The following DSC3 variants were observed in gnomAD, a reference collection of about 807,000 sequenced individuals.
The protein encoded by DSC3 is desmocollin 3.
Under a neutral mutation model 89.5 loss-of-function variants are expected in DSC3, and 97 were observed. The observed-to-expected ratio is 1.08, with a 90% confidence interval of 0.92 to 1.28. The LOEUF is 1.28. DSC3 is among the 50% of genes most tolerant of loss of function. The pLI, the probability that DSC3 is intolerant of heterozygous loss-of-function variation, is 0.00. For synonymous variants in DSC3, 436 were observed against 384.1 expected, an observed-to-expected ratio of 1.14 and a Z score of -1.58; for missense variants, 1,199 against 1,085.3, an observed-to-expected ratio of 1.10 and a Z score of -1.47.
Position 30,990,189 on chromosome 18 carries a change from C to G in DSC3, c.*3986G>C, listed in dbSNP as rs1361896785. 1.3e-5 allele frequency: 2 copies of G among 152,078 alleles called. No homozygotes were observed. Among genetic ancestry groups the G allele is most frequent in the African/African-American group, 4.8e-5 (2 of 41,394 alleles). The allele number at this position is 152,078 out of a possible 1,614,324, so 9.4% of individuals were successfully genotyped here. ...TAACTCATTTAATCATTCAACAACC[C>G]CATGAGGCTGGCATTGTTCATTGAT... On this transcript the variant is annotated 3_prime_UTR_variant, in exon 16 of 16. Transcript: ENST00000360428.
chr18:31,024,322 T>G (rs760102689), intron 6 of DSC3, 27 bp downstream of exon 6: 1 of 1,545,242 alleles, frequency 6.5e-7, no homozygotes, highest in South Asian at 1.2e-5. Flanking sequence ...TTAAAATGAT[T>G]CTTTTTATTC....
chr18:31,002,580 A>G (rs1040623407), intron 13 of DSC3, among the ~76,000 whole-genome samples: 3 of 151,930 alleles, frequency 2.0e-5, no homozygotes, highest in Non-Finnish European at 4.4e-5. Flanking sequence ...CATGCCTGTA[A>G]TCCCAGCTAC....
chr18:31,013,954 A>G (rs1985152086), intron 9 of DSC3, among the ~76,000 whole-genome samples: 1 of 152,168 alleles, frequency 6.6e-6, no homozygotes, highest in Admixed American at 6.6e-5. Context: ...AATAATAAAA[A>G]AATTAGAATT....
intron 4 of DSC3, among the ~76,000 whole-genome samples, chr18:31,026,304 G>A (rs753091642): frequency 5.9e-5 from 8 of 135,618 alleles, no homozygotes; most frequent in Non-Finnish European, 9.8e-5. Flanking sequence ...AGGAGATGAA[G>A]AGGTAATGAG....
At chr18:31,041,192 G>A (rs1986118863) in intron 1 of DSC3, among the ~76,000 whole-genome samples, 1 of 152,124 alleles carries the variant, frequency 6.6e-6, no homozygotes, top group African/African-American at 2.4e-5. Context: ...AGCACCCGTA[G>A]TTTCGTTCCC....
intron 1 of DSC3, among the ~76,000 whole-genome samples, chr18:31,033,914 C>G (rs1985885180): frequency 6.6e-6 from 1 of 152,180 alleles, no homozygotes; most frequent in African/African-American, 2.4e-5. Context: ...AGCTCCGCCT[C>G]CCAGGTTCAC....
At chr18:31,021,310 C>T (rs552331877) in intron 7 of DSC3, among the ~76,000 whole-genome samples, 62 of 152,202 alleles carry the variant, frequency 4.1e-4, no homozygotes, top group African/African-American at 1.4e-3. Flanking sequence ...CTACATCATC[C>T]CTACAAACTC....
At chr18:31,030,567 T>A (rs1024534623) in intron 3 of DSC3, among the ~76,000 whole-genome samples, 7 of 151,880 alleles carry the variant, frequency 4.6e-5, no homozygotes, top group Non-Finnish European at 7.4e-5. Context: ...AATGTAGAGG[T>A]GGAAGAAGCC....
chr18:31,006,811 G>T, intron 12 of DSC3, 96 bp downstream of exon 12: 2 of 1,000,058 alleles, frequency 2.0e-6, no homozygotes, highest in Non-Finnish European at 3.1e-6. Flanking sequence ...ATGAGACTCA[G>T]TTTTACTTCA....
At position 31,004,286 on chromosome 18, in the gene DSC3, C is replaced by A. The variant is rs778926352; in HGVS notation, c.1969G>T (p.Gly657Cys). 6.2e-7 allele frequency: 1 copy of A among 1,613,984 alleles called. No homozygotes were observed. Among genetic ancestry groups the A allele is most frequent in the Middle Eastern group, 1.7e-4 (1 of 6,058 alleles). Residue 657 changes from glycine (G) to cysteine (C), a missense_variant, in exon 13 of 16, where the codon GGC (glycine) becomes TGC (cysteine). Transcript: ENST00000360428. Reference sequence around the variant, plus strand: ...CTCAATAATTTTGTTGCAGCTTGGCCGGCCCTGTCTTTTACAGTAATAGGA... The same window carrying A: ...CTCAATAATTTTGTTGCAGCTTGGCAGGCCCTGTCTTTTACAGTAATAGGA... Reference protein sequence around the residue: ...TIPITVKDRAGQAATKLLRVN... With the variant: ...TIPITVKDRACQAATKLLRVN...
At chr18:31,027,950 G>T (rs1170524345) in intron 4 of DSC3, among the ~76,000 whole-genome samples, 1 of 152,054 alleles carries the variant, frequency 6.6e-6, no homozygotes, top group Non-Finnish European at 1.5e-5. Context: ...TCTAATCCCT[G>T]CTAATTGAGA....
intron 14 of DSC3, among the ~76,000 whole-genome samples, chr18:30,997,859 G>A (rs997575656): frequency 3.9e-5 from 6 of 152,096 alleles, no homozygotes; most frequent in Non-Finnish European, 8.8e-5. Flanking sequence ...GACAAACAAG[G>A]CAACCACTGT....
intron 4 of DSC3, among the ~76,000 whole-genome samples, chr18:31,028,161 G>C (rs181844789): frequency 6.6e-5 from 10 of 152,074 alleles, no homozygotes; most frequent in African/African-American, 2.4e-4. Context: ...AGAAACAAGA[G>C]GTAAGATTCA....
rs973111051 is a variant in DSC3, at chr18:30,992,673, C to A, written c.*1502G>T. On this transcript the variant is annotated 3_prime_UTR_variant, in exon 16 of 16. Transcript: ENST00000360428. ...AATAACCTACTTGGGCTGCTTTCTC[C>A]CAAAGTTCCCTCTGTTCTAAAATGA... The A allele has an allele frequency of 6.6e-6, 1 of 152,240 alleles. No individual in the cohort carries two copies. Among genetic ancestry groups the A allele is most frequent in the Non-Finnish European group, 1.5e-5 (1 of 68,056 alleles). 9.4% of individuals were successfully genotyped at this position (152,240 alleles called of 1,614,324 possible).
At position 31,012,913 on chromosome 18, in the gene DSC3, C is replaced by T. The variant is rs906680501; in HGVS notation, c.1264-4388G>A. ...TTAGGAGAAAAATGCTAATTCTCTC[C>T]TACTCTTTCTATGAAATTAATATAA... is the stretch of plus-strand genomic sequence containing the variant. On this transcript the variant is annotated intron_variant, in intron 9 of 15. Transcript: ENST00000360428. 5.4e-4 allele frequency among the ~76,000 whole-genome samples: 82 copies of T among 152,110 alleles called. 1 individual carries two copies. The highest frequency in any genetic ancestry group is 2.0e-3 in the African/African-American group (81 of 41,480).
At position 31,008,340 on chromosome 18, in the gene DSC3, G is replaced by A. The variant is rs1598534832; in HGVS notation, c.1449C>T (p.Asn483=). ...PAAQYVRIKE[N]LAVGSKINGY... ...CGTTGATCTTTGACCCCACTGCTAA[G>A]TTTTCTTTAATCCGCACATATTGGG... The change falls in exon 10 of 16, where the codon AAC becomes AAT. Residue 483 remains asparagine, a synonymous_variant. Coordinates refer to ENST00000360428, the MANE Select transcript of DSC3 (RefSeq NM_001941.5). 1.9e-6 allele frequency: 3 copies of A among 1,614,114 alleles called. No individual in the cohort carries two copies. Among genetic ancestry groups the A allele is most frequent in the East Asian group, 4.5e-5 (2 of 44,872 alleles).
At chr18:31,001,809 C>G (rs1984674738) in intron 13 of DSC3, 70 bp from the exon 14 acceptor site, 2 of 1,250,566 alleles carry the variant, frequency 1.6e-6, no homozygotes, top group Admixed American at 2.3e-5. Context: ...TCATTTATTT[C>G]TTACGACCTA....
At chr18:31,015,834 G>A (rs981781431) in intron 9 of DSC3, among the ~76,000 whole-genome samples, 3 of 152,104 alleles carry the variant, frequency 2.0e-5, no homozygotes, top group African/African-American at 4.8e-5. Context: ...GGCTTGGTGG[G>A]GGTGAGGTAG....
intron 9 of DSC3, among the ~76,000 whole-genome samples, chr18:31,010,467 C>T (rs1023111912): frequency 2.0e-5 from 3 of 151,990 alleles, no homozygotes; most frequent in African/African-American, 7.3e-5. Context: ...TCCCATTTTT[C>T]GAGGCTTAAG....
Sources: allele counts gnomAD v4.1 joint callset (sites outside exome capture counted in the v4.1 genomes callset), GRCh38; gene constraint gnomAD v4.1.1; transcripts MANE v1.5; gene names NCBI Gene and HGNC (gene_info 2026-07-23, HGNC 2026-07-21).